The following CD1B variants were observed in gnomAD, a reference collection of about 807,000 sequenced individuals.
CD1B encodes the protein T-cell surface glycoprotein CD1b.
Under a neutral mutation model 39.8 loss-of-function variants are expected in CD1B, and 43 were observed. The observed-to-expected ratio is 1.08, with a 90% confidence interval of 0.85 to 1.39. The LOEUF (loss-of-function observed/expected upper bound fraction) is 1.39. Among genes scored for constraint, CD1B ranks in the 40% most tolerant of loss-of-function variants. The pLI is 0.00. For synonymous variants in CD1B, 192 were observed against 152.5 expected, an observed-to-expected ratio of 1.26 and a Z score of -1.91; for missense variants, 495 against 403.8, an observed-to-expected ratio of 1.23 and a Z score of -1.94.
At chr1:158,306,727 T>C in the CD1B span, among the ~76,000 whole-genome samples, 1 of 152,196 alleles carries the variant, frequency 6.6e-6, no homozygotes, top group Non-Finnish European at 1.5e-5. Context: ...TATAACAAAC[T>C]GTCTCTCAGA....
At chr1:158,304,313 G>A in the CD1B span, among the ~76,000 whole-genome samples, 118 of 152,288 alleles carry the variant, frequency 7.7e-4, no homozygotes, top group African/African-American at 2.7e-3. Flanking sequence ...AGGCCTGGAG[G>A]GTCCTATGCC....
the CD1B span, among the ~76,000 whole-genome samples, chr1:158,321,904 ATCT>A: frequency 6.6e-6 from 1 of 152,050 alleles, no homozygotes; most frequent in Non-Finnish European, 1.5e-5. Flanking sequence ...ATTCTTCCTG[ATCT>A]TCTCCCTCCT....
chr1:158,308,672 C>T, the CD1B span, among the ~76,000 whole-genome samples: 16 of 152,044 alleles, frequency 1.1e-4, no homozygotes, highest in South Asian at 2.1e-4. Context: ...TCAGAAATAA[C>T]GCCACATATC....
Position 158,329,353 on chromosome 1 carries a change from T to C in CD1B, c.886+17A>G, listed in dbSNP as rs1652487589. 3.1e-6 allele frequency: 5 copies of C among 1,603,420 alleles called. No individual in the cohort carries two copies. The highest frequency in any genetic ancestry group is 4.3e-6 in the Non-Finnish European group (5 of 1,172,428). On this transcript the variant is annotated intron_variant, in intron 4 of 5. Coordinates refer to ENST00000368168, the MANE Select transcript of CD1B (RefSeq NM_001764.3). ...CACTTCCTGGCATTTCCAGCCTGGG[T>C]CCCTGCTATTTCTTACTCCAGTAGA...
the CD1B span, chr1:158,289,844 C>A: frequency 2.1e-6 from 1 of 477,886 alleles, no homozygotes; most frequent in Non-Finnish European, 3.8e-6. Context: ...AGCTGGAATC[C>A]TGAGAGAAGA....
the CD1B span, chr1:158,293,660 T>C: frequency 7.1e-7 from 1 of 1,413,754 alleles, no homozygotes; most frequent in Non-Finnish European, 9.8e-7. Flanking sequence ...ACTTTTTATA[T>C]AGCACTCAAC....
At chr1:158,330,440 C>G in intron 2 of CD1B, 1 of 552,888 alleles carries the variant, frequency 1.8e-6, no homozygotes, top group South Asian at 2.0e-5. Context: ...GAGGAGGGTG[C>G]GGGGAGGAGA....
At chr1:158,327,035 G>C (rs1158321442), downstream of CD1B, among the ~76,000 whole-genome samples, 1 of 152,178 alleles carries the variant, frequency 6.6e-6, no homozygotes, top group Non-Finnish European at 1.5e-5. Flanking sequence ...GACCTCAGGT[G>C]ATCCACCTGC....
At chr1:158,318,533 C>A in the CD1B span, among the ~76,000 whole-genome samples, 3 of 152,044 alleles carry the variant, frequency 2.0e-5, no homozygotes, top group African/African-American at 7.2e-5. Context: ...TTCCTCCATC[C>A]TTTTATTTTT....
the CD1B span, among the ~76,000 whole-genome samples, chr1:158,297,099 G>A: frequency 2.0e-5 from 3 of 152,012 alleles, no homozygotes; most frequent in Non-Finnish European, 4.4e-5. Context: ...GAAATTCAGA[G>A]AACTCCTGAG....
At chr1:158,300,726 A>G in the CD1B span, among the ~76,000 whole-genome samples, 6 of 146,022 alleles carry the variant, frequency 4.1e-5, no homozygotes, top group Admixed American at 2.1e-4. Flanking sequence ...TTCCTTTACC[A>G]TTATGTAATG....
At position 158,330,821 on chromosome 1, in the gene CD1B, G is replaced by T; in HGVS notation, c.303C>A (p.Asp101Glu). Reference sequence around the variant, plus strand: ...ATTTCATCTGGAAATCACCGGCAAAGTCTTGTACTTCTCGAGCGAATCCAA... The same window carrying T: ...ATTTCATCTGGAAATCACCGGCAAATTCTTGTACTTCTCGAGCGAATCCAA... Reference protein sequence around the residue: ...YIFGFAREVQDFAGDFQMKYP... With the variant: ...YIFGFAREVQEFAGDFQMKYP... Residue 101 changes from aspartate (D) to glutamate (E), a missense_variant, in exon 2 of 6, where the codon GAC (aspartate) becomes GAA (glutamate). By Grantham distance (45) the Asp-to-Glu change is conservative. Transcript: ENST00000368168. 6.2e-7 allele frequency: 1 copy of T among 1,614,180 alleles called. No homozygotes were observed. The highest frequency in any genetic ancestry group is 8.5e-7 in the Non-Finnish European group (1 of 1,180,020).
downstream of CD1B, among the ~76,000 whole-genome samples, chr1:158,326,121 C>T (rs996411279): frequency 6.6e-6 from 1 of 152,152 alleles, no homozygotes; most frequent in African/African-American, 2.4e-5. Context: ...CAGGTGCCCA[C>T]CATCATGCCC....
the CD1B span, among the ~76,000 whole-genome samples, chr1:158,301,493 A>T: frequency 6.6e-6 from 1 of 152,032 alleles, no homozygotes; most frequent in Non-Finnish European, 1.5e-5. Context: ...GTGGTGACAA[A>T]ATCTCTTAGC....
At chr1:158,318,905 T>C in the CD1B span, among the ~76,000 whole-genome samples, 3 of 152,330 alleles carry the variant, frequency 2.0e-5, no homozygotes, top group African/African-American at 7.2e-5. Flanking sequence ...AGGTATTTTA[T>C]TTCTCCTTCA....
chr1:158,298,756 T>C, the CD1B span, among the ~76,000 whole-genome samples: 1 of 152,170 alleles, frequency 6.6e-6, no homozygotes, highest in Non-Finnish European at 1.5e-5. Flanking sequence ...GATTCCTAGG[T>C]ATTTTATTCT....
At chr1:158,311,435 G>T in the CD1B span, among the ~76,000 whole-genome samples, 1 of 151,976 alleles carries the variant, frequency 6.6e-6, no homozygotes, top group Non-Finnish European at 1.5e-5. Context: ...AATCCCTTTG[G>T]ATACGTAGTT....
the CD1B span, among the ~76,000 whole-genome samples, chr1:158,298,685 T>C: frequency 1.3e-5 from 2 of 152,228 alleles, no homozygotes; most frequent in Non-Finnish European, 2.9e-5. Context: ...TCCTCTTTTA[T>C]TTCATTGAGC....
chr1:158,317,923 C>T, the CD1B span, among the ~76,000 whole-genome samples: 1 of 152,170 alleles, frequency 6.6e-6, no homozygotes, highest in African/African-American at 2.4e-5. Context: ...ATTATGTACC[C>T]AGTAGTCATT....
Sources: allele counts gnomAD v4.1 joint callset (sites outside exome capture counted in the v4.1 genomes callset), GRCh38; gene constraint gnomAD v4.1.1; transcripts MANE v1.5; gene names NCBI Gene and HGNC (gene_info 2026-07-23, HGNC 2026-07-21).